Variants in CYP3A4 observed in about 807,000 individuals in gnomAD.
CYP3A4 encodes cytochrome P450 family 3 subfamily A member 4, also known as cytochrome P450 3A4.
In CYP3A4, 41 loss-of-function variants were observed where a neutral mutation model predicts 54.9. The observed-to-expected ratio is 0.75, with a 90% CI of 0.58 to 0.97. The LOEUF (loss-of-function observed/expected upper bound fraction) is 0.97, where lower values mean the gene tolerates loss of function less well. Ranked by LOEUF, CYP3A4 falls within the 50% of genes least tolerant of loss-of-function variation. CYP3A4 has a pLI of 0.00. For synonymous variants in CYP3A4, 179 were observed against 205.2 expected, an observed-to-expected ratio of 0.87 and a Z score of 1.09; for missense variants, 510 against 597.3, an observed-to-expected ratio of 0.85 and a Z score of 1.52.
chr7:99,765,391 A>T (rs1441855279), intron 9 of CYP3A4, among the ~76,000 whole-genome samples: 1 of 152,204 alleles, frequency 6.6e-6, no homozygotes, highest in African/African-American at 2.4e-5. Context: ...GGATAGATAG[A>T]TGAATAGTTA....
rs28371763 is a variant in CYP3A4, at chr7:99,757,185, T to G, written c.*948A>C. ...ATGTACGTGCTTCAAAAAGGCATAT[T>G]TTTTTAAGACTGAGTCTCACTCTCA... On this transcript the variant is annotated 3_prime_UTR_variant, in exon 13 of 13. Transcript: ENST00000651514. 6.6e-6 allele frequency: 1 copy of G among 152,182 alleles called. No individual in the cohort carries two copies. Among genetic ancestry groups the G allele is most frequent in the African/African-American group, 2.4e-5 (1 of 41,442 alleles). 9.4% of individuals were successfully genotyped at this position (152,182 alleles called of 1,614,324 possible).
chr7:99,778,995 G>A (rs1815845876), intron 2 of CYP3A4, among the ~76,000 whole-genome samples: 1 of 152,164 alleles, frequency 6.6e-6, no homozygotes. Context: ...TGGGAAAGAT[G>A]ATGTAAGCCA....
intron 10 of CYP3A4, among the ~76,000 whole-genome samples, chr7:99,763,478 C>CT (rs1307264953): frequency 6.6e-6 from 1 of 152,110 alleles, no homozygotes; most frequent in Non-Finnish European, 1.5e-5. Context: ...GTGGATACAG[C>CT]TAAGGGGACA....
intron 2 of CYP3A4, among the ~76,000 whole-genome samples, chr7:99,779,631 CA>C (rs1563045583): frequency 6.6e-6 from 1 of 152,192 alleles, no homozygotes; most frequent in African/African-American, 2.4e-5. Context: ...AAGTCACAAT[CA>C]GGGGGTCCTT....
intron 3 of CYP3A4, 132 bp from the exon 4 acceptor site, chr7:99,772,821 T>A (rs1211191607): frequency 1.1e-6 from 1 of 905,764 alleles, no homozygotes; most frequent in Non-Finnish European, 1.7e-6. Context: ...AATCTTAGGT[T>A]CTAGTTCATT....
chr7:99,766,255 A>T, intron 9 of CYP3A4, 122 bp downstream of exon 9: 1 of 1,183,282 alleles, frequency 8.5e-7, no homozygotes, highest in Non-Finnish European at 1.2e-6. Context: ...TAACATTCAA[A>T]CATGTGTCGT....
chr7:99,761,994 T>C (rs1239720201), intron 11 of CYP3A4, 47 bp downstream of exon 11: 1 of 1,542,822 alleles, frequency 6.5e-7, no homozygotes, highest in Non-Finnish European at 9.0e-7. Context: ...AGAATATGCT[T>C]GAACCAGGCT....
Position 99,768,307 on chromosome 7 carries a change from AT to A in CYP3A4, c.670+46del, listed in dbSNP as rs748900265. On this transcript the variant is annotated intron_variant, in intron 7 of 12. Transcript: ENST00000651514. Reference sequence around the variant, plus strand: ...TGATTTATATCTCAATAAAGCAGTTATTTTTAAGAGAGCAAGATAAATAAAA... The same window carrying A: ...TGATTTATATCTCAATAAAGCAGTTATTTTAAGAGAGCAAGATAAATAAAA... 3 of 1,578,730 alleles carry A rather than the reference AT, an allele frequency of 1.9e-6. No individual in the cohort carries two copies. In the South Asian group the frequency reaches 3.3e-5, roughly 18 times the overall value.
In CYP3A4 at chr7:99,763,875, C is replaced by G. The variant is rs1302998762; in HGVS notation, c.1006G>C (p.Asp336His). The change falls in exon 10 of 13, where the codon GAT becomes CAT. Residue 336 changes from aspartate (D) to histidine (H), a missense_variant. Physicochemically the swap from Asp to His is moderately conservative, Grantham distance 81. This residue lies in a region of CYP3A4 where 238 missense variants were observed against 322.5 expected (regional missense o/e 0.74). Transcript: ENST00000651514. ...CTCACCTTATTGGGTAAAACTGCAT[C>G]AATTTCCTCCTGCAGTTTCTGCTGG... ...DVQQKLQEEI[D>H]AVLPNKAPPT... 5 of 1,613,874 alleles carry G rather than the reference C, an allele frequency of 3.1e-6. No individual in the cohort carries two copies. The African/African-American group carries it at 4.0e-5, about 13-fold the overall frequency.
chr7:99,782,230 C>T (rs1815943297), intron 1 of CYP3A4, among the ~76,000 whole-genome samples: 1 of 152,184 alleles, frequency 6.6e-6, no homozygotes, highest in African/African-American at 2.4e-5. Flanking sequence ...CAGCATTGGT[C>T]CCCAAGGAAT....
At chr7:99,768,225 T>C in intron 7 of CYP3A4, 129 bp downstream of exon 7, 2 of 1,096,766 alleles carry the variant, frequency 1.8e-6, no homozygotes, top group Non-Finnish European at 2.6e-6. Context: ...GTCACACATA[T>C]CTTCAAATGT....
intron 8 of CYP3A4, chr7:99,766,854 G>A: frequency 2.7e-6 from 1 of 364,094 alleles, no homozygotes; most frequent in Non-Finnish European, 4.9e-6. Flanking sequence ...GAAGTAAAGT[G>A]GTAAAGTTTT....
At chr7:99,777,257 A>T (rs1257701395) in intron 3 of CYP3A4, among the ~76,000 whole-genome samples, 4 of 152,076 alleles carry the variant, frequency 2.6e-5, no homozygotes, top group Non-Finnish European at 4.4e-5. Context: ...CCTAAGGAAA[A>T]AAAAAAAGAA....
rs1223993603 is a variant in CYP3A4 at position 99,768,418 on chromosome 7, G to C, written c.606C>G (p.Pro202=). Residue 202 remains proline (P), a synonymous_variant, in exon 7 of 13, where the codon CCC becomes CCG. Coordinates refer to ENST00000651514, the MANE Select transcript of CYP3A4 (RefSeq NM_017460.6). ...AAAGCTTCTTGGTGTTTTCCACAAA[G>C]GGGTCTTGTGGATTGTTGAGAGAGT... The part of the protein sequence containing the change: ...NIDSLNNPQD[P]FVENTKKLLR... The C allele has an allele frequency of 6.2e-7, 1 of 1,614,072 alleles. No homozygotes were observed. Among genetic ancestry groups the C allele is most frequent in the Non-Finnish European group, 8.5e-7 (1 of 1,179,966 alleles).
intron 3 of CYP3A4, among the ~76,000 whole-genome samples, 162 bp downstream of exon 3, chr7:99,777,866 C>A (rs1034755029): frequency 1.3e-5 from 2 of 152,150 alleles, no homozygotes; most frequent in African/African-American, 4.8e-5. Context: ...ATACTCTACA[C>A]CCAAATAAAT....
chr7:99,782,858 T>C (rs1815961415), intron 1 of CYP3A4, among the ~76,000 whole-genome samples: 1 of 152,182 alleles, frequency 6.6e-6, no homozygotes, highest in African/African-American at 2.4e-5. Flanking sequence ...TGCAATCTTG[T>C]CATAGAGTTA....
intron 3 of CYP3A4, among the ~76,000 whole-genome samples, chr7:99,777,734 G>A (rs944535563): frequency 2.6e-5 from 4 of 152,086 alleles, no homozygotes; most frequent in Admixed American, 6.5e-5. Context: ...TCTTTGTAGC[G>A]AAGGATAATT....
chr7:99,769,716 A>ATG, intron 6 of CYP3A4, 52 bp downstream of exon 6: 1 of 1,605,614 alleles, frequency 6.2e-7, no homozygotes. Flanking sequence ...CATGGCAGGC[A>ATG]GCTGGAGGGG....
rs1815225431 is a variant in CYP3A4, at chr7:99,758,144, T to TTAGAC, written c.1500_1501insGTCTA (p.Ser501ValfsTer2). ...GTCCTTAGGAAAATTCAGGCTCCAC[T>TTAGAC]TACGGTGCCATCCCTTGACTCAACC... On this transcript the variant is annotated frameshift_variant, in exon 13 of 13. Transcript: ENST00000651514. LOFTEE classifies it high-confidence loss of function. 6.2e-7 allele frequency: 1 copy of TTAGAC among 1,613,800 alleles called. No individual in the cohort carries two copies. The highest frequency in any genetic ancestry group is 1.3e-5 in the African/African-American group (1 of 74,936).
Sources: allele counts gnomAD v4.1 joint callset (sites outside exome capture counted in the v4.1 genomes callset), GRCh38; gene constraint gnomAD v4.1.1; regional missense constraint gnomAD v4.1.1; transcripts MANE v1.5; gene names NCBI Gene and HGNC (gene_info 2026-07-23, HGNC 2026-07-21).